The following SLC24A2 variants were observed in gnomAD, a reference collection of about 807,000 sequenced individuals.
The protein encoded by SLC24A2 is sodium/potassium/calcium exchanger 2.
A neutral mutation model predicts 62.0 loss-of-function variants in SLC24A2; 36 were observed. The ratio of observed to expected loss-of-function variants is 0.58; its 90% CI spans 0.44 to 0.77. The LOEUF (loss-of-function observed/expected upper bound fraction) is 0.77. SLC24A2 is among the 30% of genes least tolerant of loss of function. The pLI is 0.00. For synonymous variants in SLC24A2, 358 were observed against 294.0 expected, an observed-to-expected ratio of 1.22 and a Z score of -2.23; for missense variants, 846 against 817.9, an observed-to-expected ratio of 1.03 and a Z score of -0.42.
At chr9:20,273,741 G>T in the SLC24A2 span, among the ~76,000 whole-genome samples, 1 of 152,114 alleles carries the variant, frequency 6.6e-6, no homozygotes. Context: ...TTAGCAGTGT[G>T]AAAATGGACT....
At chr9:20,170,843 T>C in the SLC24A2 span, among the ~76,000 whole-genome samples, 1 of 151,970 alleles carries the variant, frequency 6.6e-6, no homozygotes, top group Admixed American at 6.6e-5. Context: ...GACCTAGTCA[T>C]CCAAATACAA....
At chr9:20,303,335 T>C in the SLC24A2 span, among the ~76,000 whole-genome samples, 1 of 152,184 alleles carries the variant, frequency 6.6e-6, no homozygotes, top group Admixed American at 6.5e-5. Context: ...AATCCTAACA[T>C]GGTTGAGAGC....
At chr9:20,095,559 T>A in the SLC24A2 span, among the ~76,000 whole-genome samples, 1 of 152,012 alleles carries the variant, frequency 6.6e-6, no homozygotes, top group Admixed American at 6.6e-5. Flanking sequence ...GGACATTGCC[T>A]TTTTTTTCTA....
the SLC24A2 span, among the ~76,000 whole-genome samples, chr9:20,224,065 G>A: frequency 5.9e-5 from 9 of 151,950 alleles, no homozygotes; most frequent in South Asian, 2.1e-4. Flanking sequence ...AAAACAGCAT[G>A]AGGAAACTGC....
chr9:20,091,550 A>T, the SLC24A2 span, among the ~76,000 whole-genome samples: 2 of 152,154 alleles, frequency 1.3e-5, no homozygotes, highest in Non-Finnish European at 2.9e-5. Context: ...CTATATTCAA[A>T]ATTCTTGAAG....
At chr9:20,124,339 A>C in the SLC24A2 span, among the ~76,000 whole-genome samples, 2 of 152,138 alleles carry the variant, frequency 1.3e-5, no homozygotes, top group Non-Finnish European at 2.9e-5. Context: ...CTGTACCATA[A>C]ACCTGTAGAG....
chr9:19,567,067 C>T (rs1002499904), intron 7 of SLC24A2, among the ~76,000 whole-genome samples: 11 of 151,182 alleles, frequency 7.3e-5, no homozygotes, highest in South Asian at 2.1e-4. Context: ...ATGTAATAAA[C>T]CTGCACGTTG....
chr9:20,142,754 C>T, the SLC24A2 span, among the ~76,000 whole-genome samples: 1 of 152,148 alleles, frequency 6.6e-6, no homozygotes, highest in Non-Finnish European at 1.5e-5. Flanking sequence ...TGCCACCACG[C>T]CCAGCTAATT....
chr9:20,089,469 A>T, the SLC24A2 span, among the ~76,000 whole-genome samples: 6 of 152,050 alleles, frequency 3.9e-5, no homozygotes, highest in African/African-American at 7.2e-5. Flanking sequence ...TGGGGAAAGG[A>T]TAAAAGGCAC....
the SLC24A2 span, among the ~76,000 whole-genome samples, chr9:20,139,863 G>T: frequency 2.6e-4 from 39 of 152,240 alleles, no homozygotes; most frequent in South Asian, 2.1e-3. Context: ...AAGACTGAAG[G>T]CTGTCAGCAC....
the SLC24A2 span, among the ~76,000 whole-genome samples, chr9:19,835,219 A>G: frequency 1.3e-5 from 2 of 152,234 alleles, no homozygotes; most frequent in African/African-American, 2.4e-5. Flanking sequence ...AAATTCACAC[A>G]TAACAATACT....
the SLC24A2 span, among the ~76,000 whole-genome samples, chr9:20,148,755 C>T: frequency 6.6e-6 from 1 of 152,008 alleles, no homozygotes; most frequent in Admixed American, 6.6e-5. Flanking sequence ...CCTGGACCAA[C>T]ATGTTACTTT....
chr9:20,009,628 T>C, the SLC24A2 span, among the ~76,000 whole-genome samples: 1 of 152,176 alleles, frequency 6.6e-6, no homozygotes, highest in African/African-American at 2.4e-5. Context: ...GAGGCAACTG[T>C]AGGTCAGTAA....
rs1413518225 is a variant in SLC24A2, at chr9:19,783,412, G to A, written c.930+2525C>T. Among the ~76,000 whole-genome samples the A allele has an allele frequency of 5.9e-5, 9 of 152,094 alleles. 1 individual carries two copies. The highest frequency in any genetic ancestry group is 5.2e-4 in the Admixed American group (8 of 15,272). The stretch of plus-strand genomic sequence containing the variant: ...CTCTAGGAAGACTCCACTGAAGGCC[G>A]CATTTGGCTTAAAGTCTTTTTTTCC... On this transcript the variant is annotated intron_variant, in intron 2 of 10. Coordinates refer to ENST00000341998, the MANE Select transcript of SLC24A2 (RefSeq NM_020344.4).
chr9:19,682,871 C>T (rs1183019098), intron 2 of SLC24A2, among the ~76,000 whole-genome samples: 1 of 152,012 alleles, frequency 6.6e-6, no homozygotes, highest in Non-Finnish European at 1.5e-5. Context: ...TCATGACTTA[C>T]ATCCATTTTC....
chr9:19,831,336 G>A, the SLC24A2 span, among the ~76,000 whole-genome samples: 1 of 152,154 alleles, frequency 6.6e-6, no homozygotes, highest in Non-Finnish European at 1.5e-5. Context: ...TCTCCTGAAA[G>A]TCTGTATGAA....
chr9:19,715,320 A>G (rs56050875), intron 2 of SLC24A2, among the ~76,000 whole-genome samples: 1 of 152,184 alleles, frequency 6.6e-6, no homozygotes, highest in African/African-American at 2.4e-5. Context: ...TGACAGGCAG[A>G]AAGATGATCA....
the SLC24A2 span, among the ~76,000 whole-genome samples, chr9:20,033,394 C>T: frequency 6.6e-6 from 1 of 152,014 alleles, no homozygotes; most frequent in Admixed American, 6.6e-5. Context: ...GGATGTAATA[C>T]CTAATATGCA....
the SLC24A2 span, among the ~76,000 whole-genome samples, chr9:20,141,347 G>GC: frequency 1.3e-5 from 2 of 151,968 alleles, no homozygotes; most frequent in African/African-American, 2.4e-5. Flanking sequence ...CCTGCAGTTA[G>GC]CCCCCCTTAC....
Sources: gnomAD v4.1 joint callset for allele counts (sites outside exome capture counted in the v4.1 genomes callset) on GRCh38, gnomAD v4.1.1 for gene constraint, MANE v1.5 for transcripts, NCBI Gene and HGNC (gene_info 2026-07-23, HGNC 2026-07-21) for gene names.